The following PTPRD variants were observed in gnomAD, a reference collection of about 807,000 sequenced individuals.
PTPRD encodes receptor-type tyrosine-protein phosphatase delta.
Under a neutral mutation model 214.5 loss-of-function variants are expected in PTPRD, and 34 were observed. The observed-to-expected ratio is 0.16, with a 90% CI of 0.12 to 0.21. The LOEUF (loss-of-function observed/expected upper bound fraction) is 0.21. PTPRD is among the 10% of genes least tolerant of loss of function. The pLI is 1.00. For missense variants in PTPRD, 2,545 were observed against 2,398.7 expected, an observed-to-expected ratio of 1.06 and a Z score of -1.27; for synonymous variants, 1,128 against 845.7, an observed-to-expected ratio of 1.33 and a Z score of -5.79.
chr9:8,411,785 A>G (rs1344098791), intron 35 of PTPRD, among the ~76,000 whole-genome samples: 1 of 152,232 alleles, frequency 6.6e-6, no homozygotes, highest in Non-Finnish European at 1.5e-5. Flanking sequence ...AATAAGAAAG[A>G]GATGGACAGA....
At chr9:8,321,593 A>G (rs1378916685) in intron 44 of PTPRD, among the ~76,000 whole-genome samples, 1 of 148,680 alleles carries the variant, frequency 6.7e-6, no homozygotes, top group Non-Finnish European at 1.5e-5. Flanking sequence ...TTTTATGACA[A>G]AAACAATGAG....
chr9:9,584,359 C>CTTATTATTATTATTATTATTATT (rs1554649145), intron 7 of PTPRD, among the ~76,000 whole-genome samples: 3,217 of 149,154 alleles, frequency 0.022, 47 homozygotes, highest in East Asian at 0.032. Context: ...ATTTCATCAC[C>CTTATTATTATTATTATTATTATT]ATTATTATTA....
At chr9:8,556,553 A>ATTTTATATTTTTTTTTTT (rs2083821166) in intron 14 of PTPRD, among the ~76,000 whole-genome samples, 2 of 151,780 alleles carry the variant, frequency 1.3e-5, no homozygotes, top group African/African-American at 4.9e-5. Context: ...ATACTTGTGT[A>ATTTTATATTTTTTTTTTT]TTTTATATTT....
intron 11 of PTPRD, among the ~76,000 whole-genome samples, chr9:8,991,962 T>C (rs949097470): frequency 6.6e-6 from 1 of 152,100 alleles, no homozygotes; most frequent in Non-Finnish European, 1.5e-5. Context: ...TAATATAGAA[T>C]TGTGGTGTTC....
chr9:8,327,867 G>A (rs1334598070), intron 44 of PTPRD, among the ~76,000 whole-genome samples: 1 of 152,066 alleles, frequency 6.6e-6, no homozygotes, highest in Non-Finnish European at 1.5e-5. Flanking sequence ...CATTTGCTTG[G>A]TAAATATTCC....
At chr9:9,172,643 G>T (rs905942773) in intron 10 of PTPRD, among the ~76,000 whole-genome samples, 4 of 152,118 alleles carry the variant, frequency 2.6e-5, no homozygotes, top group Non-Finnish European at 5.9e-5. Flanking sequence ...CTGGCAAAGG[G>T]TTTGGCATAT....
At chr9:9,049,506 A>G (rs772282701) in intron 10 of PTPRD, among the ~76,000 whole-genome samples, 2 of 152,228 alleles carry the variant, frequency 1.3e-5, no homozygotes, top group Non-Finnish European at 2.9e-5. Context: ...GTAAATGTAG[A>G]AAACATGACT....
intron 10 of PTPRD, among the ~76,000 whole-genome samples, chr9:9,059,237 C>T (rs957521342): frequency 6.6e-5 from 10 of 152,306 alleles, no homozygotes; most frequent in East Asian, 1.9e-4. Flanking sequence ...ACATGTGGTA[C>T]AGGTAGCACA....
At chr9:8,337,316 G>C (rs912292892) in intron 43 of PTPRD, among the ~76,000 whole-genome samples, 2 of 152,086 alleles carry the variant, frequency 1.3e-5, no homozygotes, top group African/African-American at 2.4e-5. Flanking sequence ...CAGGGACATG[G>C]ATGAAGCTGG....
chr9:9,928,578 T>C (rs914793775), intron 5 of PTPRD, among the ~76,000 whole-genome samples: 3 of 152,084 alleles, frequency 2.0e-5, no homozygotes, highest in African/African-American at 7.2e-5. Flanking sequence ...CACAATGCCA[T>C]AAAGTGGAAA....
intron 45 of PTPRD, among the ~76,000 whole-genome samples, chr9:8,318,203 C>G (rs1823407073): frequency 6.6e-6 from 1 of 151,860 alleles, no homozygotes; most frequent in South Asian, 2.1e-4. Flanking sequence ...TGAACATTAC[C>G]TTCCCAGACA....
Position 8,948,543 on chromosome 9 carries a change from T to TTATATATATTTATA in PTPRD, c.-104+70140_-104+70153dup, listed in dbSNP as rs1567184856. ...TTTATATATATATTTATATATATAT[T>TTATATATATTTATA]TATATATATTTATATATATTTATAT... On this transcript the variant is annotated intron_variant, in intron 11 of 45. Coordinates refer to ENST00000381196, the MANE Select transcript of PTPRD (RefSeq NM_002839.4). Among the ~76,000 whole-genome samples, 36 of 31,134 alleles carry TTATATATATTTATA rather than the reference T, an allele frequency of 1.2e-3. 3 individuals carry two copies. The highest frequency in any genetic ancestry group is 2.0e-3 in the Non-Finnish European group (27 of 13,368). 20.4% of individuals were successfully genotyped at this position (31,134 alleles called of 152,430 possible).
intron 7 of PTPRD, among the ~76,000 whole-genome samples, chr9:9,601,178 G>C (rs1269734035): frequency 6.7e-6 from 1 of 149,828 alleles, no homozygotes; most frequent in African/African-American, 2.5e-5. Flanking sequence ...GGGAGAGAGA[G>C]AGAAAGAAAG....
intron 7 of PTPRD, among the ~76,000 whole-genome samples, chr9:9,721,393 T>C (rs972846780): frequency 6.6e-6 from 1 of 151,956 alleles, no homozygotes; most frequent in African/African-American, 2.4e-5. Flanking sequence ...AGAGAGAAAA[T>C]AGTCTTGCTC....
intron 11 of PTPRD, among the ~76,000 whole-genome samples, chr9:8,921,212 T>C (rs113729553): frequency 6.6e-6 from 1 of 152,206 alleles, no homozygotes; most frequent in East Asian, 1.9e-4. Context: ...AGTTGTACAT[T>C]CAAAGTAGGA....
intron 14 of PTPRD, among the ~76,000 whole-genome samples, chr9:8,626,805 C>T (rs2096057732): frequency 6.6e-6 from 1 of 151,652 alleles, no homozygotes; most frequent in Non-Finnish European, 1.5e-5. Flanking sequence ...TAGAACTGCA[C>T]ATCAACTCTC....
chr9:9,228,537 T>A (rs970718007), intron 9 of PTPRD, among the ~76,000 whole-genome samples: 1 of 152,090 alleles, frequency 6.6e-6, no homozygotes, highest in African/African-American at 2.4e-5. Context: ...TACTACTGTA[T>A]CTTTTTTTTC....
At chr9:10,542,309 G>T (rs1019776016) in intron 2 of PTPRD, among the ~76,000 whole-genome samples, 2 of 152,002 alleles carry the variant, frequency 1.3e-5, no homozygotes, top group African/African-American at 4.8e-5. Context: ...TTGAAAGATG[G>T]TATTCTACTT....
At chr9:8,399,181 C>G (rs2091916145) in intron 36 of PTPRD, among the ~76,000 whole-genome samples, 1 of 142,898 alleles carries the variant, frequency 7.0e-6, no homozygotes. Context: ...ATCTTTTGAT[C>G]TCAGGATTTA....
Sources: gnomAD v4.1 joint callset for allele counts (sites outside exome capture counted in the v4.1 genomes callset) on GRCh38, gnomAD v4.1.1 for gene constraint, MANE v1.5 for transcripts, NCBI Gene and HGNC (gene_info 2026-07-23, HGNC 2026-07-21) for gene names.